Variants in HS6ST3 observed in about 807,000 individuals in gnomAD.
The protein encoded by HS6ST3 is heparan sulfate 6-O-sulfotransferase 3.
A neutral mutation model predicts 36.7 loss-of-function variants in HS6ST3; 12 were observed. That is an observed-to-expected ratio of 0.33 (90% confidence interval 0.21 to 0.53). HS6ST3 has a LOEUF of 0.53. Ranked by LOEUF, HS6ST3 falls within the 20% of genes least tolerant of loss-of-function variation. The probability of loss-of-function intolerance (pLI) is 0.95; values close to 1 mark genes in which losing one functional copy is unlikely to be tolerated. For missense variants in HS6ST3, 584 were observed against 640.9 expected, an observed-to-expected ratio of 0.91 and a Z score of 0.96; for synonymous variants, 240 against 257.5, an observed-to-expected ratio of 0.93 and a Z score of 0.65.
chr13:96,446,111 T>C (rs1438255320), intron 1 of HS6ST3, among the ~76,000 whole-genome samples: 1 of 148,794 alleles, frequency 6.7e-6, no homozygotes, highest in Non-Finnish European at 1.5e-5. Context: ...AGGCAGAGCC[T>C]GCAGTGAGCC....
intron 1 of HS6ST3, among the ~76,000 whole-genome samples, chr13:96,409,663 A>G (rs1462945689): frequency 6.6e-6 from 1 of 152,198 alleles, no homozygotes; most frequent in Non-Finnish European, 1.5e-5. Context: ...CTAACTTTCC[A>G]TATGCTATGA....
At chr13:96,740,889 G>A (rs1048452276) in intron 1 of HS6ST3, among the ~76,000 whole-genome samples, 7 of 152,150 alleles carry the variant, frequency 4.6e-5, no homozygotes, top group Non-Finnish European at 8.8e-5. Flanking sequence ...AGAGTCTCTG[G>A]CAACAAGGCT....
chr13:96,466,713 C>A (rs9513149), intron 1 of HS6ST3, among the ~76,000 whole-genome samples: 30,704 of 152,088 alleles, frequency 0.2, 3,350 homozygotes, highest in African/African-American at 0.29. Context: ...TTGTGGTAAT[C>A]ATTTCACAGT....
chr13:96,183,517 C>T (rs1476698457), intron 1 of HS6ST3, among the ~76,000 whole-genome samples: 1 of 152,150 alleles, frequency 6.6e-6, no homozygotes, highest in African/African-American at 2.4e-5. Flanking sequence ...TCTACTCTTT[C>T]CCTTTCAATT....
At position 96,610,943 on chromosome 13, in the gene HS6ST3, C is replaced by T. The variant is rs74107946; in HGVS notation, c.708-221547C>T. ...GCATAGCATAGAAATGTTTTTTAAC[C>T]TTATCATGAAAAGCTCAAGGGTATT... is the stretch of plus-strand genomic sequence containing the variant. On this transcript the variant is annotated intron_variant, in intron 1 of 1. Transcript: ENST00000376705. Among the ~76,000 whole-genome samples the T allele has an allele frequency of 8.5e-3, 1,291 of 151,524 alleles. 19 individuals are homozygous for T. Among genetic ancestry groups the T allele is most frequent in the African/African-American group, 0.029 (1,198 of 41,388 alleles).
chr13:96,235,711 T>C (rs934972515), intron 1 of HS6ST3, among the ~76,000 whole-genome samples: 1 of 152,166 alleles, frequency 6.6e-6, no homozygotes, highest in Admixed American at 6.5e-5. Flanking sequence ...CTAGTTGTCA[T>C]CTACTGATCT....
chr13:96,823,876 C>T (rs1278501723), intron 1 of HS6ST3, among the ~76,000 whole-genome samples: 1 of 152,292 alleles, frequency 6.6e-6, no homozygotes, highest in East Asian at 1.9e-4. Context: ...CTCAGTCTCC[C>T]AAAGTGCTGG....
intron 1 of HS6ST3, among the ~76,000 whole-genome samples, chr13:96,627,286 G>A (rs2056516371): frequency 6.6e-6 from 1 of 151,936 alleles, no homozygotes; most frequent in African/African-American, 2.4e-5. Context: ...CTGCGTAAAC[G>A]ATCAAGTTTT....
At chr13:96,400,546 C>G (rs1182567036) in intron 1 of HS6ST3, among the ~76,000 whole-genome samples, 1 of 152,066 alleles carries the variant, frequency 6.6e-6, no homozygotes, top group East Asian at 1.9e-4. Flanking sequence ...AGGAACTTAT[C>G]ACTGTTGATG....
chr13:96,597,438 G>A (rs947561524), intron 1 of HS6ST3, among the ~76,000 whole-genome samples: 1 of 151,594 alleles, frequency 6.6e-6, no homozygotes, highest in African/African-American at 2.4e-5. Flanking sequence ...GTGACATTGA[G>A]CATTTTTCAT....
At chr13:96,426,501 C>A (rs1018045235) in intron 1 of HS6ST3, among the ~76,000 whole-genome samples, 1 of 152,124 alleles carries the variant, frequency 6.6e-6, no homozygotes, top group African/African-American at 2.4e-5. Flanking sequence ...GCTTTAATTC[C>A]ACTCAAAAGT....
chr13:96,104,458 G>A (rs755090806), intron 1 of HS6ST3, among the ~76,000 whole-genome samples: 12 of 152,116 alleles, frequency 7.9e-5, no homozygotes, highest in South Asian at 4.1e-4. Context: ...TGATTTTCAC[G>A]CTTTGACATT....
At chr13:96,603,545 G>A (rs2056428851) in intron 1 of HS6ST3, among the ~76,000 whole-genome samples, 1 of 152,026 alleles carries the variant, frequency 6.6e-6, no homozygotes, top group Non-Finnish European at 1.5e-5. Flanking sequence ...AACTTTGTAG[G>A]TATATGTATT....
intron 1 of HS6ST3, among the ~76,000 whole-genome samples, chr13:96,391,492 C>T (rs1337609158): frequency 1.3e-5 from 2 of 152,144 alleles, no homozygotes; most frequent in African/African-American, 4.8e-5. Context: ...TGCCTTCTTG[C>T]TTCAGCTCTC....
At chr13:96,510,764 T>C (rs1269409446) in intron 1 of HS6ST3, among the ~76,000 whole-genome samples, 1 of 152,128 alleles carries the variant, frequency 6.6e-6, no homozygotes, top group African/African-American at 2.4e-5. Flanking sequence ...CTAGTGTCAT[T>C]CTCCTCACTC....
At chr13:96,200,398 A>G (rs2054335588) in intron 1 of HS6ST3, among the ~76,000 whole-genome samples, 1 of 152,150 alleles carries the variant, frequency 6.6e-6, no homozygotes, top group Non-Finnish European at 1.5e-5. Context: ...AGGACTTTGC[A>G]CTGGCAGTTC....
chr13:96,751,654 C>G (rs1876703335), intron 1 of HS6ST3, among the ~76,000 whole-genome samples: 1 of 151,878 alleles, frequency 6.6e-6, no homozygotes, highest in Non-Finnish European at 1.5e-5. Context: ...TAATGTGTTC[C>G]AAGAAGGCAG....
chr13:96,397,670 A>G (rs2055429056), intron 1 of HS6ST3, among the ~76,000 whole-genome samples: 4 of 152,342 alleles, frequency 2.6e-5, no homozygotes, highest in African/African-American at 9.6e-5. Context: ...TTGTCAGAAA[A>G]AAACACAAAC....
intron 1 of HS6ST3, among the ~76,000 whole-genome samples, chr13:96,283,465 T>C (rs996259440): frequency 8.5e-5 from 13 of 152,218 alleles, no homozygotes; most frequent in African/African-American, 3.1e-4. Context: ...GGAACACCTG[T>C]GAATCCCCCC....
Sources: gnomAD v4.1 joint callset for allele counts (sites outside exome capture counted in the v4.1 genomes callset) on GRCh38, gnomAD v4.1.1 for gene constraint, MANE v1.5 for transcripts, NCBI Gene and HGNC (gene_info 2026-07-23, HGNC 2026-07-21) for gene names.